The following KANK1 variants were observed in gnomAD, a reference collection of about 807,000 sequenced individuals.
KANK1 encodes the protein KN motif and ankyrin repeat domains 1.
Under a neutral mutation model 106.2 loss-of-function variants are expected in KANK1, and 109 were observed. The ratio of observed to expected loss-of-function variants is 1.03; its 90% CI spans 0.88 to 1.20. The LOEUF (loss-of-function observed/expected upper bound fraction) is 1.20, where lower values mean the gene tolerates loss of function less well. Among genes scored for constraint, KANK1 ranks in the 50% most tolerant of loss-of-function variants. KANK1 has a pLI of 0.00. For missense variants in KANK1, 2,399 were observed against 1,710.7 expected, an observed-to-expected ratio of 1.40 and a Z score of -7.10; for synonymous variants, 873 against 652.2, an observed-to-expected ratio of 1.34 and a Z score of -5.16.
intron 1 of KANK1, among the ~76,000 whole-genome samples, chr9:669,205 A>T (rs1017024451): frequency 6.6e-6 from 1 of 152,166 alleles, no homozygotes; most frequent in Admixed American, 6.5e-5. Context: ...TTTGTCTTCT[A>T]GGTGTCATAC....
At chr9:523,764 T>G (rs963155814) in intron 1 of KANK1, among the ~76,000 whole-genome samples, 11 of 151,670 alleles carry the variant, frequency 7.3e-5, no homozygotes, top group African/African-American at 2.7e-4. Context: ...TATTCAGAGT[T>G]ATAACCTGTC....
At chr9:630,466 G>T (rs1835416806) in intron 1 of KANK1, among the ~76,000 whole-genome samples, 1 of 150,422 alleles carries the variant, frequency 6.6e-6, no homozygotes, top group South Asian at 2.1e-4. Flanking sequence ...CGGGAGAATG[G>T]CGTAAACCCG....
At chr9:615,228 G>A (rs781105119) in intron 1 of KANK1, among the ~76,000 whole-genome samples, 10 of 152,124 alleles carry the variant, frequency 6.6e-5, no homozygotes, top group Non-Finnish European at 1.3e-4. Context: ...GAGCTACCGC[G>A]CCTGGCATAG....
intron 1 of KANK1, among the ~76,000 whole-genome samples, chr9:629,320 A>G (rs1260883501): frequency 1.3e-5 from 2 of 151,976 alleles, no homozygotes; most frequent in Non-Finnish European, 2.9e-5. Flanking sequence ...TAAGACAAAA[A>G]CCAGAGTGGG....
At chr9:670,139 C>T (rs1248583095) in intron 1 of KANK1, among the ~76,000 whole-genome samples, 1 of 152,070 alleles carries the variant, frequency 6.6e-6, no homozygotes, top group Non-Finnish European at 1.5e-5. Flanking sequence ...TCTTTGTTGT[C>T]TTGGAGATCC....
intron 1 of KANK1, among the ~76,000 whole-genome samples, chr9:560,652 C>T (rs1816167918): frequency 6.6e-6 from 1 of 152,136 alleles, no homozygotes; most frequent in Admixed American, 6.5e-5. Context: ...GTTTGAGTAG[C>T]CCTTTCCCAA....
chr9:723,501 C>T (rs1829896952), intron 3 of KANK1, among the ~76,000 whole-genome samples: 1 of 145,218 alleles, frequency 6.9e-6, no homozygotes, highest in African/African-American at 2.8e-5. Flanking sequence ...CACCTGGGTC[C>T]TGTGTCCTAG....
intron 1 of KANK1, among the ~76,000 whole-genome samples, chr9:635,761 C>T (rs7874205): frequency 0.15 from 21,072 of 137,124 alleles, 1,719 homozygotes; most frequent in Admixed American, 0.19. Context: ...TGCAGTGGCA[C>T]GATCTCAGCT....
chr9:541,924 C>G (rs1164581551), intron 1 of KANK1, among the ~76,000 whole-genome samples: 1 of 151,118 alleles, frequency 6.6e-6, no homozygotes, highest in East Asian at 2.0e-4. Context: ...CCCGTCTCTA[C>G]TAAAAATACA....
intron 1 of KANK1, among the ~76,000 whole-genome samples, chr9:650,778 C>T (rs1437346242): frequency 1.3e-5 from 2 of 152,014 alleles, no homozygotes; most frequent in Non-Finnish European, 2.9e-5. Flanking sequence ...CCCAATGTTC[C>T]TGCTAATGAA....
intron 2 of KANK1, chr9:677,646 A>T (rs998398600): frequency 1.3e-5 from 2 of 152,186 alleles, no homozygotes; most frequent in African/African-American, 4.8e-5. Context: ...CATAGGGACA[A>T]CCTGCCCAAA....
At chr9:647,917 A>G (rs1840043621) in intron 1 of KANK1, among the ~76,000 whole-genome samples, 2 of 150,422 alleles carry the variant, frequency 1.3e-5, no homozygotes, top group African/African-American at 5.0e-5. Flanking sequence ...TTGACCCAGT[A>G]CATTGCAACC....
At chr9:483,914 G>T (rs146749546) in intron 3 of KANK1, among the ~76,000 whole-genome samples, 1 of 152,286 alleles carries the variant, frequency 6.6e-6, no homozygotes, top group South Asian at 2.1e-4. Context: ...GAGACAGAGC[G>T]AGCAGGTATG....
At position 506,818 on chromosome 9, in the gene KANK1, G is replaced by A. The variant is rs541795778; in HGVS notation, c.-84+2064G>A. On this transcript the variant is annotated intron_variant, in intron 1 of 11. Transcript: ENST00000382297. ...CTAGTTGGGGGCAGTGCAAGGAACT[G>A]GGAAGAGGAATGGGATAATGGCCGA... 2.6e-5 allele frequency among the ~76,000 whole-genome samples: 4 copies of A among 152,282 alleles called. No individual in the cohort carries two copies. In the South Asian group the frequency reaches 8.3e-4, roughly 32 times the overall value.
intron 1 of KANK1, among the ~76,000 whole-genome samples, chr9:519,098 C>T (rs937318730): frequency 6.6e-6 from 1 of 151,578 alleles, no homozygotes; most frequent in Non-Finnish European, 1.5e-5. Context: ...CCATGTTGGT[C>T]AGGCTGGTCT....
intron 1 of KANK1, among the ~76,000 whole-genome samples, chr9:618,408 A>G (rs1472935927): frequency 6.6e-6 from 1 of 152,082 alleles, no homozygotes; most frequent in African/African-American, 2.4e-5. Context: ...GGGTTTCACC[A>G]TATCGGCCAG....
intron 1 of KANK1, among the ~76,000 whole-genome samples, chr9:572,627 G>A (rs115993500): frequency 1.8e-4 from 28 of 152,192 alleles, no homozygotes; most frequent in African/African-American, 6.5e-4. Context: ...CTGGCCTCAG[G>A]CAATCCTCCT....
At chr9:536,867 C>G (rs977943998) in intron 1 of KANK1, among the ~76,000 whole-genome samples, 2 of 152,202 alleles carry the variant, frequency 1.3e-5, no homozygotes, top group African/African-American at 4.8e-5. Context: ...TCTTAGTTCG[C>G]AGTCGGCACC....
At chr9:510,213 C>A (rs12339230) in intron 1 of KANK1, among the ~76,000 whole-genome samples, 22,959 of 152,024 alleles carry the variant, frequency 0.15, 3,363 homozygotes, top group African/African-American at 0.38. Flanking sequence ...ATGATAACTT[C>A]TTTAAAAATA....
Sources: gnomAD v4.1 joint callset for allele counts (sites outside exome capture counted in the v4.1 genomes callset) on GRCh38, gnomAD v4.1.1 for gene constraint, MANE v1.5 for transcripts, NCBI Gene and HGNC (gene_info 2026-07-23, HGNC 2026-07-21) for gene names.